The following SGCD variants were observed in gnomAD, a reference collection of about 807,000 sequenced individuals.
SGCD encodes sarcoglycan delta, also known as delta-sarcoglycan.
In SGCD, 18 loss-of-function variants were observed where a neutral mutation model predicts 36.6. The ratio of observed to expected loss-of-function variants is 0.49; its 90% confidence interval spans 0.34 to 0.73. SGCD has a LOEUF of 0.73. SGCD is among the 30% of genes least tolerant of loss of function. SGCD has a pLI of 0.01. For missense variants in SGCD, 387 were observed against 346.7 expected (o/e 1.12, Z -0.92); for synonymous variants, 133 against 130.6 (o/e 1.02, Z -0.12).
intron 3 of SGCD, among the ~76,000 whole-genome samples, chr5:156,472,733 T>C (rs1755025743): frequency 6.6e-6 from 1 of 152,158 alleles, no homozygotes; most frequent in East Asian, 1.9e-4. Context: ...ATGATACAAA[T>C]AAATTTTTTA....
At chr5:155,892,685 T>G (rs917267795) in intron 1 of SGCD, among the ~76,000 whole-genome samples, 1 of 152,180 alleles carries the variant, frequency 6.6e-6, no homozygotes, top group African/African-American at 2.4e-5. Flanking sequence ...ACTAGTTTGC[T>G]GAAAAACAAA....
chr5:156,685,451 G>A (rs1753868956), intron 7 of SGCD, among the ~76,000 whole-genome samples: 1 of 152,186 alleles, frequency 6.6e-6, no homozygotes. Flanking sequence ...TGTCTAGAAT[G>A]CTTTAGAAGT....
At chr5:155,833,075 A>AGGAAG in the SGCD span, among the ~76,000 whole-genome samples, 36 of 150,148 alleles carry the variant, frequency 2.4e-4, no homozygotes, top group African/African-American at 8.4e-4. Flanking sequence ...AAAAAAAGAA[A>AGGAAG]AAAAATTAGC....
At chr5:156,496,568 G>A (rs1405452562) in intron 3 of SGCD, among the ~76,000 whole-genome samples, 1 of 152,058 alleles carries the variant, frequency 6.6e-6, no homozygotes, top group Non-Finnish European at 1.5e-5. Context: ...CTCTGAGTCG[G>A]GGATTATGAC....
the SGCD span, among the ~76,000 whole-genome samples, chr5:155,817,032 G>A: frequency 6.6e-6 from 1 of 152,006 alleles, no homozygotes; most frequent in African/African-American, 2.4e-5. Context: ...AGTATATACA[G>A]CATTTTGTAT....
At chr5:156,138,535 C>T (rs957815208) in intron 3 of SGCD, among the ~76,000 whole-genome samples, 1 of 152,206 alleles carries the variant, frequency 6.6e-6, no homozygotes, top group Non-Finnish European at 1.5e-5. Flanking sequence ...GTAGGTCATT[C>T]CATTTTACTT....
At chr5:155,766,835 A>G in the SGCD span, among the ~76,000 whole-genome samples, 1 of 152,196 alleles carries the variant, frequency 6.6e-6, no homozygotes, top group African/African-American at 2.4e-5. Flanking sequence ...AGAACAGTGC[A>G]TGTCAAAGCT....
At chr5:155,974,285 G>T (rs1438431820) in intron 1 of SGCD, among the ~76,000 whole-genome samples, 1 of 152,100 alleles carries the variant, frequency 6.6e-6, no homozygotes, top group South Asian at 2.1e-4. Context: ...GACTTGCCCA[G>T]CATCAAATAT....
intron 6 of SGCD, among the ~76,000 whole-genome samples, chr5:156,601,455 T>A (rs975021319): frequency 6.6e-6 from 1 of 152,194 alleles, no homozygotes. Context: ...GGTGAGTGAA[T>A]TTATTTCTGG....
At chr5:156,656,097 C>A (rs1265296031) in intron 7 of SGCD, among the ~76,000 whole-genome samples, 1 of 152,070 alleles carries the variant, frequency 6.6e-6, no homozygotes, top group East Asian at 1.9e-4. Flanking sequence ...ATATAGACTA[C>A]CCAAAGCTTG....
At chr5:156,629,100 T>C (rs1581284450) in intron 6 of SGCD, among the ~76,000 whole-genome samples, 1 of 152,330 alleles carries the variant, frequency 6.6e-6, no homozygotes, top group East Asian at 1.9e-4. Flanking sequence ...GATGAGAGTA[T>C]CTAAATGTTG....
chr5:155,864,194 T>C, the SGCD span, among the ~76,000 whole-genome samples: 44 of 152,248 alleles, frequency 2.9e-4, no homozygotes, highest in African/African-American at 1.0e-3. Context: ...GAGAATAGCA[T>C]GGAAAATCAG....
chr5:155,765,559 T>C, the SGCD span, among the ~76,000 whole-genome samples: 2 of 152,112 alleles, frequency 1.3e-5, no homozygotes, highest in Non-Finnish European at 2.9e-5. Context: ...TTATGATCAT[T>C]AAAGTAACAG....
At chr5:155,730,758 A>G in the SGCD span, among the ~76,000 whole-genome samples, 488 of 152,318 alleles carry the variant, frequency 3.2e-3, 1 homozygote, top group African/African-American at 0.011. Context: ...CTTTCCCTCC[A>G]GAGGAAGTTC....
At chr5:155,736,472 C>T in the SGCD span, among the ~76,000 whole-genome samples, 27 of 152,260 alleles carry the variant, frequency 1.8e-4, no homozygotes, top group Non-Finnish European at 3.5e-4. Flanking sequence ...AACACCATAA[C>T]AAATTGCTCC....
the SGCD span, among the ~76,000 whole-genome samples, chr5:155,804,736 A>G: frequency 2.0e-5 from 3 of 152,236 alleles, no homozygotes; most frequent in African/African-American, 7.2e-5. Context: ...GTGAAAGAGG[A>G]ATTTTCGGAA....
intron 4 of SGCD, among the ~76,000 whole-genome samples, chr5:156,580,793 C>T (rs1760221570): frequency 6.6e-6 from 1 of 152,118 alleles, no homozygotes; most frequent in Admixed American, 6.6e-5. Flanking sequence ...TCTAGTTAGC[C>T]ATTCATCTAA....
chr5:156,213,036 C>G (rs1186357514), intron 3 of SGCD, among the ~76,000 whole-genome samples: 1 of 151,658 alleles, frequency 6.6e-6, no homozygotes, highest in Non-Finnish European at 1.5e-5. Flanking sequence ...TAAATGTCTA[C>G]ATCAAAAAAG....
intron 3 of SGCD, among the ~76,000 whole-genome samples, chr5:156,129,769 C>T (rs1762266209): frequency 6.6e-6 from 1 of 152,136 alleles, no homozygotes; most frequent in Admixed American, 6.6e-5. Context: ...TGTTGGTTTG[C>T]TTAGGATGAT....
Sources: gnomAD v4.1 joint callset for allele counts (sites outside exome capture counted in the v4.1 genomes callset) on GRCh38, gnomAD v4.1.1 for gene constraint, MANE v1.5 for transcripts, NCBI Gene and HGNC (gene_info 2026-07-23, HGNC 2026-07-21) for gene names.